MMP25: variants seen among roughly 807,000 people sequenced by gnomAD.
MMP25 encodes matrix metalloproteinase-25.
In MMP25, 68 loss-of-function variants were observed where a neutral mutation model predicts 62.1. That is an observed-to-expected ratio of 1.10 (90% CI 0.90 to 1.34). The LOEUF (loss-of-function observed/expected upper bound fraction) is 1.34, where lower values mean the gene tolerates loss of function less well. Ranked by LOEUF, MMP25 falls within the 40% of genes most tolerant of loss-of-function variation. The pLI is 0.00. For synonymous variants in MMP25, 407 were observed against 345.6 expected, an observed-to-expected ratio of 1.18 and a Z score of -1.97; for missense variants, 942 against 792.5, an observed-to-expected ratio of 1.19 and a Z score of -2.26.
intron 2 of MMP25, among the ~76,000 whole-genome samples, chr16:3,049,570 CGGCCTG>C (rs1473243762): frequency 5.3e-5 from 8 of 152,310 alleles, no homozygotes; most frequent in African/African-American, 1.7e-4. Context: ...GAGACCCAGC[CGGCCTG>C]GGCACTTTGG....
rs550602066 is a variant in MMP25 at position 3,050,368 on chromosome 16, T to A, written c.483T>A (p.Asp161Glu). 2.5e-6 allele frequency: 4 copies of A among 1,613,850 alleles called. No individual in the cohort carries two copies. Among genetic ancestry groups the A allele is most frequent in the Non-Finnish European group, 3.4e-6 (4 of 1,179,994 alleles). The change falls in exon 4 of 10, where the codon GAT (aspartate) becomes GAA (glutamate). Residue 161 changes from aspartate (D) to glutamate (E), a missense_variant. Coordinates refer to ENST00000336577, the MANE Select transcript of MMP25 (RefSeq NM_022468.5). ...CAGGCCTCACATTTCATGAGGTGGATTCCCCCCAGGGCCAGGAGCCCGACA... is the reference window on the plus strand; with the variant it reads ...CAGGCCTCACATTTCATGAGGTGGAATCCCCCCAGGGCCAGGAGCCCGACA... Reference protein sequence around the residue: ...MESGLTFHEVDSPQGQEPDIL... With the variant: ...MESGLTFHEVESPQGQEPDIL...
In MMP25 at chr16:3,057,401, C is replaced by T. The variant is rs554305421; in HGVS notation, c.923+7C>T. 6.8e-6 allele frequency: 11 copies of T among 1,609,530 alleles called. No homozygotes were observed. The East Asian group carries it at 1.8e-4, about 26-fold the overall frequency. On this transcript the variant is annotated splice_region_variant and intron_variant, in intron 6 of 9. Coordinates refer to ENST00000336577, the MANE Select transcript of MMP25 (RefSeq NM_022468.5). The stretch of plus-strand genomic sequence containing the variant: ...CGGCCTCGCCCACACACAGGTGAGT[C>T]CCCCACCAACTCGGAGACCTTGGGT...
intron 4 of MMP25, chr16:3,056,374 T>C (rs2151162050): frequency 6.5e-6 from 1 of 153,448 alleles, no homozygotes; most frequent in Admixed American, 6.2e-5. Context: ...CCCTCTTAAG[T>C]TTCTTTTATT....
Position 3,060,207 on chromosome 16 carries a change from T to A in MMP25, c.*1109T>A, listed in dbSNP as rs1956089910. 6.6e-6 allele frequency: 1 copy of A among 152,144 alleles called. No individual in the cohort carries two copies. The highest frequency in any genetic ancestry group is 2.4e-5 in the African/African-American group (1 of 41,404). 9.4% of individuals were successfully genotyped at this position (152,144 alleles called of 1,614,324 possible). On this transcript the variant is annotated 3_prime_UTR_variant, in exon 10 of 10. Coordinates refer to ENST00000336577, the MANE Select transcript of MMP25 (RefSeq NM_022468.5). ...CCTCTGGAACTATTCTTCTAGACTA[T>A]CCCACATCAGAATCACTGGGAAATT...
intron 4 of MMP25, chr16:3,054,635 T>C: frequency 1.4e-5 from 2 of 144,066 alleles, no homozygotes; most frequent in African/African-American, 2.7e-5. Flanking sequence ...AATGGACAGA[T>C]GCATGCACAG....
At chr16:3,048,879 C>T (rs973658239) in intron 2 of MMP25, among the ~76,000 whole-genome samples, 3 of 151,022 alleles carry the variant, frequency 2.0e-5, no homozygotes, top group Admixed American at 6.6e-5. Flanking sequence ...AATCTCGGCT[C>T]ATTGCAATCT....
chr16:3,057,082 C>A lies in MMP25; in HGVS notation c.711C>A (p.His237Gln), dbSNP rs146192671. ...CCGTGGCTGTCCATGAGTTTGGCCA[C>A]GCCCTGGGCCTGGGCCACTCCTCAG... ...LFAVAVHEFG[H>Q]ALGLGHSSAP... Residue 237 changes from histidine (H) to glutamine (Q), a missense_variant, in exon 5 of 10, where the codon CAC becomes CAA. Physicochemically the swap from His to Gln is conservative, Grantham distance 24 (BLOSUM62 0). Transcript: ENST00000336577. 1.9e-6 allele frequency: 3 copies of A among 1,608,588 alleles called. No homozygotes were observed. Among genetic ancestry groups the A allele is most frequent in the Non-Finnish European group, 2.5e-6 (3 of 1,177,270 alleles).
At position 3,058,614 on chromosome 16, in the gene MMP25, G is replaced by C. The variant is rs372066511; in HGVS notation, c.1362G>C (p.Leu454=). ...CGGACCCCGGCTACCCTCGCGACCTGAGCCTCTGGGAAGGCGCGCCCCCCT... is the reference window on the plus strand; with the variant it reads ...CGGACCCCGGCTACCCTCGCGACCTCAGCCTCTGGGAAGGCGCGCCCCCCT... ...ARPDPGYPRD[L]SLWEGAPPSP... is the part of the protein sequence containing the mutation. Residue 454 remains leucine, a synonymous_variant, in exon 9 of 10, where the codon CTG becomes CTC. Transcript: ENST00000336577. 6.2e-7 allele frequency: 1 copy of C among 1,606,604 alleles called. No homozygotes were observed. Among genetic ancestry groups the C allele is most frequent in the Non-Finnish European group, 8.5e-7 (1 of 1,177,436 alleles).
rs748377167 is a variant in MMP25, at chr16:3,050,255, G to A, written c.370G>A (p.Val124Ile). 1 of 1,592,852 alleles carries A rather than the reference G, an allele frequency of 6.3e-7. No individual in the cohort carries two copies. Among genetic ancestry groups the A allele is most frequent in the South Asian group, 1.1e-5 (1 of 88,216 alleles). ...TACACCTCACTCCCCTCTCCCCAGG[G>A]TACGTTCCTTCCCCCAGAGCTCCCA... The part of the protein sequence containing the change: ...VWKKRTLTWR[V>I]RSFPQSSQLS... The change falls in exon 4 of 10, where the codon GTA (valine) becomes ATA (isoleucine). Residue 124 changes from valine (V) to isoleucine (I), a missense_variant and splice_region_variant. Physicochemically the swap from Val to Ile is conservative, Grantham distance 29 (BLOSUM62 3). Coordinates refer to ENST00000336577, the MANE Select transcript of MMP25 (RefSeq NM_022468.5).
At position 3,057,145 on chromosome 16, in the gene MMP25, G is replaced by T. The variant is rs371020725; in HGVS notation, c.774G>T (p.Pro258=). The T allele has an allele frequency of 8.1e-6, 13 of 1,613,368 alleles. No individual in the cohort carries two copies. Among genetic ancestry groups the T allele is most frequent in the Middle Eastern group, 1.7e-4 (1 of 6,058 alleles). The stretch of plus-strand genomic sequence containing the variant: ...TTATGAGGCCCTTCTACCAGGGTCC[G>T]GTGGGCGACCCTGACAAGTACCGCC... ...NSIMRPFYQG[P]VGDPDKYRLS... is the part of the protein sequence containing the mutation. Residue 258 remains proline (P), a synonymous_variant, in exon 5 of 10, where the codon CCG becomes CCT. Transcript: ENST00000336577.
chr16:3,049,351 G>C (rs1955865380), intron 2 of MMP25, among the ~76,000 whole-genome samples: 1 of 152,202 alleles, frequency 6.6e-6, no homozygotes, highest in East Asian at 1.9e-4. Flanking sequence ...TACAAGGAAA[G>C]GTAGGCCCTG....
intron 4 of MMP25, 122 bp from the exon 5 acceptor site, chr16:3,056,911 T>C (rs1596220463): frequency 1.9e-6 from 2 of 1,032,416 alleles, no homozygotes; most frequent in Admixed American, 2.7e-5. Flanking sequence ...CAGAGGAGGC[T>C]GGGGCCACCT....
At chr16:3,057,677 G>A in intron 7 of MMP25, 64 bp downstream of exon 7, 1 of 1,434,514 alleles carries the variant, frequency 7.0e-7, no homozygotes, top group Non-Finnish European at 9.8e-7. Flanking sequence ...ACCCACTGGG[G>A]CTGTGGGCTT....
chr16:3,058,640 C>T lies in MMP25; in HGVS notation c.1388C>T (p.Ser463Phe). Residue 463 changes from serine (S) to phenylalanine (F), a missense_variant, in exon 9 of 10, where the codon TCC becomes TTC. Ser to Phe is a radical substitution (Grantham distance 155). Transcript: ENST00000336577. ...DLSLWEGAPP[S>F]PDDVTVSNAG... ...AGCCTCTGGGAAGGCGCGCCCCCCT[C>T]CCCTGACGATGTCACCGTCAGCAAC... 1.2e-6 allele frequency: 2 copies of T among 1,603,958 alleles called. No homozygotes were observed. Among genetic ancestry groups the T allele is most frequent in the Non-Finnish European group, 1.7e-6 (2 of 1,175,712 alleles).
At chr16:3,058,097 C>G (rs973839676) in intron 7 of MMP25, 84 bp from the exon 8 acceptor site, 4 of 1,514,280 alleles carry the variant, frequency 2.6e-6, no homozygotes, top group Non-Finnish European at 2.7e-6. Context: ...CCAGATGGGA[C>G]CCCTCCCCAC....
chr16:3,058,720 G>C, intron 9 of MMP25, 51 bp downstream of exon 9: 1 of 1,534,986 alleles, frequency 6.5e-7, no homozygotes, highest in Non-Finnish European at 8.8e-7. Context: ...TGGGGAGAGG[G>C]ATGTGGGGAA....
In MMP25 at chr16:3,057,868, ATTTAT is replaced by A. The variant is rs1389258367; in HGVS notation, c.1006+262_1006+266del. 6.9e-6 allele frequency: 4 copies of A among 581,532 alleles called. No homozygotes were observed. In the East Asian group the frequency reaches 8.8e-5, roughly 13 times the overall value. The allele number at this position is 581,532 out of a possible 1,614,324, so 36.0% of individuals were successfully genotyped here. ...CACATGCCACCACGCCTTGCTAGTA[ATTTAT>A]TTTATTATTTTGTAGAGATGGAGTC... On this transcript the variant is annotated intron_variant, in intron 7 of 9. Coordinates refer to ENST00000336577, the MANE Select transcript of MMP25 (RefSeq NM_022468.5).
chr16:3,053,095 G>A (rs1279088649), intron 4 of MMP25: 1 of 152,050 alleles, frequency 6.6e-6, no homozygotes, highest in African/African-American at 2.4e-5. Context: ...CGGGGGAAGG[G>A]GGCAGCCAGG....
rs1956075633 is a variant in MMP25 at position 3,059,290 on chromosome 16, C to G, written c.*192C>G. 7 of 624,536 alleles carry G rather than the reference C, an allele frequency of 1.1e-5. No individual in the cohort carries two copies. Among genetic ancestry groups the G allele is most frequent in the South Asian group, 8.4e-5 (3 of 35,770 alleles). 38.7% of individuals were successfully genotyped at this position (624,536 alleles called of 1,614,324 possible). ...CGGGGACCGGTCGCCTGGCGCTGGG[C>G]TCAGTCTCCTCAGGGTCTGAGACCC... is the stretch of plus-strand genomic sequence containing the variant. On this transcript the variant is annotated 3_prime_UTR_variant, in exon 10 of 10. Transcript: ENST00000336577.
Sources: allele counts gnomAD v4.1 joint callset (sites outside exome capture counted in the v4.1 genomes callset), GRCh38; gene constraint gnomAD v4.1.1; transcripts MANE v1.5; gene names NCBI Gene and HGNC (gene_info 2026-07-23, HGNC 2026-07-21).